The following APBA2 variants were observed in gnomAD, a reference collection of about 807,000 sequenced individuals.
The protein encoded by APBA2 is amyloid beta precursor protein binding family A member 2.
Under a neutral mutation model 75.0 loss-of-function variants are expected in APBA2, and 30 were observed. The ratio of observed to expected loss-of-function variants is 0.40; its 90% confidence interval spans 0.30 to 0.54. The LOEUF (loss-of-function observed/expected upper bound fraction) is 0.54, where lower values mean the gene tolerates loss of function less well. APBA2 is among the 20% of genes least tolerant of loss of function. APBA2 has a pLI of 0.49. For missense variants in APBA2, 801 were observed against 1,016.1 expected (o/e 0.79, Z 2.88); for synonymous variants, 444 against 409.6 (o/e 1.08, Z -1.01).
intron 2 of APBA2, among the ~76,000 whole-genome samples, chr15:28,949,140 C>T (rs1294858208): frequency 2.6e-5 from 4 of 151,726 alleles, no homozygotes; most frequent in Non-Finnish European, 5.9e-5. Flanking sequence ...ATCAATCACC[C>T]GGACAGGTTG....
intron 3 of APBA2, among the ~76,000 whole-genome samples, chr15:28,998,205 T>C (rs1267814769): frequency 6.6e-6 from 1 of 151,398 alleles, no homozygotes; most frequent in Non-Finnish European, 1.5e-5. Flanking sequence ...TTTTTCTTTT[T>C]TTTTTTTTTT....
intron 2 of APBA2, among the ~76,000 whole-genome samples, chr15:28,940,265 C>A (rs955350342): frequency 6.7e-6 from 1 of 148,996 alleles, no homozygotes; most frequent in African/African-American, 2.5e-5. Flanking sequence ...GTAATCCCAG[C>A]ACTTTGGGAG....
chr15:29,040,049 G>A (rs1175648922), intron 3 of APBA2, among the ~76,000 whole-genome samples: 1 of 152,174 alleles, frequency 6.6e-6, no homozygotes, highest in Non-Finnish European at 1.5e-5. Context: ...CCATCTTTGT[G>A]GCCAGAGGGT....
intron 3 of APBA2, among the ~76,000 whole-genome samples, chr15:29,030,252 G>T (rs1381370703): frequency 6.6e-6 from 1 of 152,130 alleles, no homozygotes; most frequent in Non-Finnish European, 1.5e-5. Flanking sequence ...GAAATCGGGG[G>T]ATAGAGATCA....
intron 2 of APBA2, among the ~76,000 whole-genome samples, chr15:28,966,113 C>G (rs185572255): frequency 3.9e-5 from 6 of 151,970 alleles, no homozygotes; most frequent in Admixed American, 2.6e-4. Context: ...TTTTGTGACC[C>G]AGGATATGGT....
At chr15:29,022,557 T>C (rs888437107) in intron 3 of APBA2, among the ~76,000 whole-genome samples, 1 of 152,188 alleles carries the variant, frequency 6.6e-6, no homozygotes, top group Non-Finnish European at 1.5e-5. Flanking sequence ...TTATAACCCA[T>C]TCCCCCCACC....
At chr15:29,034,767 C>A (rs996714338) in intron 3 of APBA2, among the ~76,000 whole-genome samples, 1 of 152,198 alleles carries the variant, frequency 6.6e-6, no homozygotes, top group African/African-American at 2.4e-5. Flanking sequence ...TTTTAACATG[C>A]AGACTTCAGG....
intron 2 of APBA2, among the ~76,000 whole-genome samples, chr15:28,942,532 T>C (rs1225308653): frequency 6.6e-6 from 1 of 152,156 alleles, no homozygotes; most frequent in Non-Finnish European, 1.5e-5. Flanking sequence ...CAGTATTTCT[T>C]GGGGGAGGAA....
At position 29,108,328 on chromosome 15, in the gene APBA2, C is replaced by A. The variant is rs148181204; in HGVS notation, c.1976C>A (p.Thr659Lys). 1.2e-6 allele frequency: 2 copies of A among 1,614,090 alleles called. No homozygotes were observed. The highest frequency in any genetic ancestry group is 1.7e-6 in the Non-Finnish European group (2 of 1,180,032). ...LNIVSCPPVT[T>K]VLIKRPDLKY... ...ATTGTCAGCTGTCCCCCGGTCACCA[C>A]GGTCCTTATCAAGCGGCCAGACCTC... is the stretch of plus-strand genomic sequence containing the variant. The change falls in exon 13 of 15, where the codon ACG (threonine) becomes AAG (lysine). Residue 659 changes from threonine to lysine, a missense_variant. By Grantham distance (78) the Thr-to-Lys change is moderately conservative. Coordinates refer to ENST00000683413, the MANE Select transcript of APBA2 (RefSeq NM_001353788.2).
chr15:28,912,329 TCAAA>T (rs2033467867), intron 1 of APBA2, among the ~76,000 whole-genome samples: 1 of 152,216 alleles, frequency 6.6e-6, no homozygotes, highest in Non-Finnish European at 1.5e-5. Flanking sequence ...TGTGGGTTAT[TCAAA>T]GATCTATCCT....
chr15:29,045,187 CT>C (rs773229032), intron 3 of APBA2, among the ~76,000 whole-genome samples: 52 of 151,222 alleles, frequency 3.4e-4, no homozygotes, highest in Non-Finnish European at 8.8e-5. Context: ...GAGTGATTCT[CT>C]TTGCCTCAGC....
chr15:29,088,478 C>G (rs527958020), intron 6 of APBA2, among the ~76,000 whole-genome samples: 1 of 152,314 alleles, frequency 6.6e-6, no homozygotes, highest in East Asian at 1.9e-4. Flanking sequence ...GCAGGTCTGT[C>G]CATCGAGCTC....
At chr15:29,072,210 G>T (rs2042654837) in intron 4 of APBA2, among the ~76,000 whole-genome samples, 2 of 152,094 alleles carry the variant, frequency 1.3e-5, no homozygotes, top group Admixed American at 6.6e-5. Context: ...TTTCTTTGGG[G>T]TTTTTTTGGA....
intron 2 of APBA2, among the ~76,000 whole-genome samples, chr15:28,987,452 G>T (rs1353666025): frequency 1.3e-5 from 2 of 151,980 alleles, no homozygotes; most frequent in Non-Finnish European, 2.9e-5. Flanking sequence ...TGGCAAGAGG[G>T]CTCAGTTCTT....
At position 28,918,021 on chromosome 15, in the gene APBA2, G is replaced by A. The variant is rs2033765421; in HGVS notation, c.-204-3619G>A. ...CCTGCTGCTTAGATGCCACTGTGGG[G>A]CAAGGAAGCTGCCCCCAGTCGGTCC... On this transcript the variant is annotated intron_variant, in intron 1 of 14. Transcript: ENST00000683413. The surrounding 1 kb of genome is among the most constrained non-coding windows in gnomAD (Gnocchi z 4.2). 3.3e-5 allele frequency among the ~76,000 whole-genome samples: 5 copies of A among 152,332 alleles called. No individual in the cohort carries two copies. Among genetic ancestry groups the A allele is most frequent in the Admixed American group, 3.3e-4 (5 of 15,304 alleles).
At chr15:29,076,025 T>G in intron 5 of APBA2, 30 bp from the exon 6 acceptor site, 4 of 1,604,008 alleles carry the variant, frequency 2.5e-6, no homozygotes, top group Non-Finnish European at 3.4e-6. Context: ...ACAATTGTTA[T>G]GTGTTTTATT....
rs912111751 is a variant in APBA2 at position 28,952,208 on chromosome 15, A to G, written c.-95+30459A>G. Among the ~76,000 whole-genome samples the G allele has an allele frequency of 3.3e-5, 5 of 152,128 alleles. No individual in the cohort carries two copies. In the East Asian group the frequency reaches 5.8e-4, roughly 18 times the overall value. ...ACTTACTGTGTAGACAGGAGCAGCA[A>G]CAACAAAAAAGACTTGGAAGGCTTA... On this transcript the variant is annotated intron_variant, in intron 2 of 14. Coordinates refer to ENST00000683413, the MANE Select transcript of APBA2 (RefSeq NM_001353788.2).
At chr15:29,034,477 C>T (rs755312735) in intron 3 of APBA2, among the ~76,000 whole-genome samples, 2 of 152,218 alleles carry the variant, frequency 1.3e-5, no homozygotes, top group African/African-American at 2.4e-5. Flanking sequence ...CAACTGATTG[C>T]CATGACTTAG....
chr15:29,071,965 C>T (rs2042641884), intron 4 of APBA2, among the ~76,000 whole-genome samples: 1 of 152,074 alleles, frequency 6.6e-6, no homozygotes, highest in Non-Finnish European at 1.5e-5. Context: ...TCTGTGTCCC[C>T]AGCCAAGCCT....
Sources: allele counts gnomAD v4.1 joint callset (sites outside exome capture counted in the v4.1 genomes callset), GRCh38; gene constraint gnomAD v4.1.1; non-coding constraint Gnocchi (gnomAD v3.1); transcripts MANE v1.5; gene names NCBI Gene and HGNC (gene_info 2026-07-23, HGNC 2026-07-21).